The following ME1 variants were observed in gnomAD, a reference collection of about 807,000 sequenced individuals.
ME1 encodes malic enzyme 1.
A neutral mutation model predicts 66.4 loss-of-function variants in ME1; 74 were observed. The observed-to-expected ratio is 1.11, with a 90% CI of 0.92 to 1.35. ME1 has a LOEUF of 1.35. Ranked by LOEUF, ME1 falls within the 40% of genes most tolerant of loss-of-function variation. The pLI is 0.00. For missense variants in ME1, 750 were observed against 694.1 expected (o/e 1.08, Z -0.90); for synonymous variants, 251 against 235.6 (o/e 1.07, Z -0.60).
intron 3 of ME1, among the ~76,000 whole-genome samples, chr6:83,358,097 G>A (rs1331634992): frequency 6.6e-6 from 1 of 150,918 alleles, no homozygotes; most frequent in African/African-American, 2.4e-5. Context: ...GAATATTAAG[G>A]ATGGAGTTCT....
At chr6:83,272,475 T>TA (rs1216417932) in intron 6 of ME1, among the ~76,000 whole-genome samples, 1 of 152,178 alleles carries the variant, frequency 6.6e-6, no homozygotes. Context: ...TTGAGGTATA[T>TA]AATATTTTTA....
rs138597830 is a variant in ME1 at position 83,365,515 on chromosome 6, C to T, written c.363-13376G>A. ...GGTGCAGCTTGACTGTTGCTGTTAT[C>T]TCCAAGGAACACAGAGAAACTAGTG... On this transcript the variant is annotated intron_variant, in intron 3 of 13. Transcript: ENST00000369705. 1.7e-3 allele frequency among the ~76,000 whole-genome samples: 262 copies of T among 152,318 alleles called. 2 individuals carry two copies. The highest frequency in any genetic ancestry group is 0.01 in the Admixed American group (157 of 15,306).
At chr6:83,422,475 G>A (rs1434053035) in intron 1 of ME1, among the ~76,000 whole-genome samples, 5 of 152,110 alleles carry the variant, frequency 3.3e-5, no homozygotes, top group Non-Finnish European at 7.4e-5. Flanking sequence ...ACAGGAAAAC[G>A]TTAACTTGGA....
At chr6:83,358,350 G>A (rs916915373) in intron 3 of ME1, among the ~76,000 whole-genome samples, 1 of 152,018 alleles carries the variant, frequency 6.6e-6, no homozygotes, top group Non-Finnish European at 1.5e-5. Context: ...TAATAAAGCT[G>A]GTTGGTTGCT....
At chr6:83,424,001 T>C (rs1770320416) in intron 1 of ME1, among the ~76,000 whole-genome samples, 2 of 146,866 alleles carry the variant, frequency 1.4e-5, no homozygotes, top group Middle Eastern at 7.5e-3. Flanking sequence ...TTCCAGCTAC[T>C]CAAGAGGACG....
At chr6:83,373,437 C>G (rs1423933552) in intron 3 of ME1, among the ~76,000 whole-genome samples, 1 of 151,996 alleles carries the variant, frequency 6.6e-6, no homozygotes, top group Admixed American at 6.6e-5. Flanking sequence ...GTTTCACCTG[C>G]TGGCCAGGCT....
At chr6:83,346,064 A>T in intron 5 of ME1, 109 bp downstream of exon 5, 2 of 866,312 alleles carry the variant, frequency 2.3e-6, no homozygotes, top group Non-Finnish European at 3.4e-6. Flanking sequence ...GAGAAAGAGA[A>T]CCAGACAAAA....
chr6:83,298,641 A>G (rs1767648857), intron 6 of ME1, among the ~76,000 whole-genome samples: 1 of 152,084 alleles, frequency 6.6e-6, no homozygotes, highest in Non-Finnish European at 1.5e-5. Context: ...ATCTTTGTCC[A>G]TGCCTATGTC....
chr6:83,405,139 C>G (rs1769914573), intron 2 of ME1, among the ~76,000 whole-genome samples: 1 of 152,212 alleles, frequency 6.6e-6, no homozygotes, highest in Non-Finnish European at 1.5e-5. Context: ...TATCCATGAG[C>G]ATGAAATGTT....
At position 83,270,135 on chromosome 6, in the gene ME1, C is replaced by T. The variant is rs534249194; in HGVS notation, c.705-16397G>A. Among the ~76,000 whole-genome samples, 5 of 152,028 alleles carry T rather than the reference C, an allele frequency of 3.3e-5. No homozygotes were observed. In the South Asian group the frequency reaches 8.3e-4, roughly 25 times the overall value. ...AGCAAGGGGTGGGGTGACCTGTACT[C>T]GTGTAAGTAAAATGAATGATATTAC... On this transcript the variant is annotated intron_variant, in intron 6 of 13. Coordinates refer to ENST00000369705, the MANE Select transcript of ME1 (RefSeq NM_002395.6).
intron 3 of ME1, among the ~76,000 whole-genome samples, chr6:83,355,218 T>C (rs532570905): frequency 2.4e-4 from 37 of 152,206 alleles, no homozygotes; most frequent in Non-Finnish European, 4.4e-4. Context: ...GAAGGCACTT[T>C]TGTTGAATTA....
chr6:83,333,746 T>C (rs961060857), intron 5 of ME1, among the ~76,000 whole-genome samples: 1 of 152,180 alleles, frequency 6.6e-6, no homozygotes, highest in African/African-American at 2.4e-5. Flanking sequence ...GGAATACAGT[T>C]GATATGTGTA....
chr6:83,286,230 A>G (rs1767393656), intron 6 of ME1, among the ~76,000 whole-genome samples: 1 of 152,172 alleles, frequency 6.6e-6, no homozygotes, highest in Admixed American at 6.6e-5. Flanking sequence ...TGAAAAATTA[A>G]GATAAATAAT....
At position 83,317,468 on chromosome 6, in the gene ME1, CTGT is replaced by C. The variant is rs546683974; in HGVS notation, c.601-2058_601-2056del. ...ACTCATGATTTGGCTCTCTGTTTGT[CTGT>C]TGTTGGTGTATAGGAATGCTTGTGA... On this transcript the variant is annotated intron_variant, in intron 5 of 13. Coordinates refer to ENST00000369705, the MANE Select transcript of ME1 (RefSeq NM_002395.6). 1.6e-4 allele frequency among the ~76,000 whole-genome samples: 25 copies of C among 151,574 alleles called. No individual in the cohort carries two copies. In the South Asian group the frequency reaches 5.0e-3, roughly 31 times the overall value.
At chr6:83,414,721 T>C (rs1330373988) in intron 1 of ME1, among the ~76,000 whole-genome samples, 1 of 152,218 alleles carries the variant, frequency 6.6e-6, no homozygotes, top group Non-Finnish European at 1.5e-5. Flanking sequence ...CTGATCGTTA[T>C]AGATTCTTTG....
intron 6 of ME1, among the ~76,000 whole-genome samples, chr6:83,256,616 G>A (rs1180190): frequency 0.24 from 36,153 of 151,982 alleles, 4,507 homozygotes; most frequent in Middle Eastern, 0.37. Context: ...GTTCAACCAT[G>A]GTGGAAAACA....
intron 11 of ME1, among the ~76,000 whole-genome samples, chr6:83,224,240 A>G (rs934945659): frequency 3.3e-5 from 5 of 152,194 alleles, no homozygotes; most frequent in Admixed American, 2.6e-4. Context: ...AACCATTTCT[A>G]TATAGGCTTC....
chr6:83,305,710 G>A (rs1033936686), intron 6 of ME1, among the ~76,000 whole-genome samples: 2 of 152,096 alleles, frequency 1.3e-5, no homozygotes, highest in African/African-American at 4.8e-5. Flanking sequence ...GAAATGCACT[G>A]ACTGTCAATA....
rs528959750 is a variant in ME1 at position 83,405,883 on chromosome 6, G to A, written c.212+1885C>T. Among the ~76,000 whole-genome samples the A allele has an allele frequency of 1.4e-3, 206 of 151,886 alleles. 1 individual carries two copies. Among genetic ancestry groups the A allele is most frequent in the African/African-American group, 2.7e-3 (113 of 41,422 alleles). ...ACTACAGGCGCCCGCCACTATGCCC[G>A]GCTAATTTTTTGTATTTTTAGTAGA... On this transcript the variant is annotated intron_variant, in intron 2 of 13. Transcript: ENST00000369705.
Sources: gnomAD v4.1 joint callset for allele counts (sites outside exome capture counted in the v4.1 genomes callset) on GRCh38, gnomAD v4.1.1 for gene constraint, MANE v1.5 for transcripts, NCBI Gene and HGNC (gene_info 2026-07-23, HGNC 2026-07-21) for gene names.